The following LRP5 variants were observed in gnomAD, a reference collection of about 807,000 sequenced individuals.
LRP5 encodes the protein LDL receptor related protein 5.
Under a neutral mutation model 154.1 loss-of-function variants are expected in LRP5, and 62 were observed. The ratio of observed to expected loss-of-function variants is 0.40; its 90% confidence interval spans 0.33 to 0.50. The LOEUF is 0.50. LRP5 is among the 20% of genes least tolerant of loss of function. LRP5 has a pLI of 0.55. For synonymous variants in LRP5, 966 were observed against 1,011.5 expected (o/e 0.96, Z 0.85); for missense variants, 1,915 against 2,336.7 (o/e 0.82, Z 3.72).
In LRP5 at chr11:68,423,403, GGGGGTCTCCGCCAGTGCCA is replaced by G. The variant is rs1178918146; in HGVS notation, c.3028-67_3028-49del. 254 of 1,281,150 alleles carry G rather than the reference GGGGGTCTCCGCCAGTGCCA, an allele frequency of 2.0e-4. No homozygotes were observed. The highest frequency in any genetic ancestry group is 1.4e-3 in the African/African-American group (95 of 68,546). 79.4% of individuals were successfully genotyped at this position (1,281,150 alleles called of 1,614,324 possible). A position where few individuals can be genotyped will look rare whatever the true frequency, so the allele number is the denominator to read the frequency against. ...TGCCCGGGGGTCTCCACCAGTGCCC[GGGGGTCTCCGCCAGTGCCA>G]GGGGTCTCCGCCAGTGCCCAGGGGT... On this transcript the variant is annotated intron_variant, in intron 13 of 22. Transcript: ENST00000294304. This position sits in a 1 kb window ranked among gnomAD's most constrained non-coding sequence, Gnocchi z 4.7.
At chr11:68,394,330 A>C (rs1404337055) in intron 7 of LRP5, among the ~76,000 whole-genome samples, 1 of 152,194 alleles carries the variant, frequency 6.6e-6, no homozygotes, top group African/African-American at 2.4e-5. Context: ...TGGCAAAGTC[A>C]GACAAAGCAA....
At position 68,410,327 on chromosome 11, in the gene LRP5, C is replaced by T. The variant is rs147503988; in HGVS notation, c.2318+187C>T. Among the ~76,000 whole-genome samples, 66 of 152,244 alleles carry T rather than the reference C, an allele frequency of 4.3e-4. No homozygotes were observed. The South Asian group carries it at 5.4e-3, about 12-fold the overall frequency. On this transcript the variant is annotated intron_variant, in intron 10 of 22. Transcript: ENST00000294304. ...GAGGTCATGGAGTTCCTTCGTGGAG[C>T]GGGTGCTGAGGCTGTATCAGGCACA...
At chr11:68,336,834 C>G (rs648438) in intron 1 of LRP5, among the ~76,000 whole-genome samples, 12 of 152,276 alleles carry the variant, frequency 7.9e-5, no homozygotes, top group Admixed American at 7.8e-4. Flanking sequence ...CATTTGTAAG[C>G]GTGAAGTTCA....
At chr11:68,399,006 G>A (rs898844474) in intron 7 of LRP5, among the ~76,000 whole-genome samples, 1 of 152,028 alleles carries the variant, frequency 6.6e-6, no homozygotes, top group African/African-American at 2.4e-5. Flanking sequence ...CTCGAGCCAC[G>A]GAGCCCAGCC....
At chr11:68,374,872 G>A (rs1242707769) in intron 5 of LRP5, among the ~76,000 whole-genome samples, 2 of 152,228 alleles carry the variant, frequency 1.3e-5, no homozygotes, top group African/African-American at 2.4e-5. Flanking sequence ...CGTGGAGCGG[G>A]GGCACAGGGG....
rs763043311 is a variant in LRP5, at chr11:68,386,493, G to A, written c.1193G>A (p.Arg398His). 8 of 1,614,074 alleles carry A rather than the reference G, an allele frequency of 5.0e-6. No individual in the cohort carries two copies. The highest frequency in any genetic ancestry group is 2.2e-5 in the East Asian group (1 of 44,878). Residue 398 changes from arginine (R) to histidine (H), a missense_variant, in exon 6 of 23, where the codon CGC becomes CAC. By Grantham distance (29) the Arg-to-His change is conservative (BLOSUM62 0). Coordinates refer to ENST00000294304, the MANE Select transcript of LRP5 (RefSeq NM_002335.4). The surrounding 1 kb of genome is among the most constrained non-coding windows in gnomAD (Gnocchi z 7.9). ...ACAGATGACGAGGTGCGGGCCATCC[G>A]CAGGGCGTACCTGGACGGGTCTGGG... ...YWTDDEVRAI[R>H]RAYLDGSGAQ... is the part of the protein sequence containing the mutation.
chr11:68,413,682 C>G lies in LRP5; in HGVS notation c.2504-7C>G. 1.2e-6 allele frequency: 2 copies of G among 1,613,442 alleles called. No homozygotes were observed. The highest frequency in any genetic ancestry group is 1.7e-6 in the Non-Finnish European group (2 of 1,179,840). On this transcript the variant is annotated splice_polypyrimidine_tract_variant and splice_region_variant and intron_variant, in intron 11 of 22. Transcript: ENST00000294304. This position sits in a 1 kb window ranked among gnomAD's most constrained non-coding sequence, Gnocchi z 5.1. ...TGCTGACACCGTGCCCGTGTGTGTT[C>G]ATGCAGGTCAGGAGCGGGTCGTGAT...
At chr11:68,381,507 C>G (rs2098640231) in intron 5 of LRP5, among the ~76,000 whole-genome samples, 1 of 152,148 alleles carries the variant, frequency 6.6e-6, no homozygotes, top group Non-Finnish European at 1.5e-5. Flanking sequence ...CCCCAAGCCC[C>G]TGGCCTGTGC....
At chr11:68,401,783 C>T (rs1036991336) in intron 7 of LRP5, among the ~76,000 whole-genome samples, 1 of 152,120 alleles carries the variant, frequency 6.6e-6, no homozygotes, top group East Asian at 1.9e-4. Flanking sequence ...TCGCTAGCTG[C>T]GTTCCAGCGA....
At chr11:68,341,478 G>A (rs1238738087) in intron 1 of LRP5, among the ~76,000 whole-genome samples, 1 of 152,088 alleles carries the variant, frequency 6.6e-6, no homozygotes, top group African/African-American at 2.4e-5. Context: ...CAGAGGTCAG[G>A]CTAGAGGTCA....
chr11:68,327,748 G>A (rs1018809554), intron 1 of LRP5, among the ~76,000 whole-genome samples: 2 of 152,060 alleles, frequency 1.3e-5, no homozygotes, highest in East Asian at 3.9e-4. Context: ...AGCTAGGCCC[G>A]GCACCTTAGG....
rs774574205 is a variant in LRP5 at position 68,406,533 on chromosome 11, C to T, written c.1811C>T (p.Pro604Leu). 5.0e-6 allele frequency: 8 copies of T among 1,614,086 alleles called. No homozygotes were observed. The highest frequency in any genetic ancestry group is 4.5e-5 in the East Asian group (2 of 44,888). Residue 604 changes from proline (P) to leucine (L), a missense_variant, in exon 9 of 23, where the codon CCG (proline) becomes CTG (leucine). Coordinates refer to ENST00000294304, the MANE Select transcript of LRP5 (RefSeq NM_002335.4). ...CTGTGTTCGCTTCCAGGAACCAACC[C>T]GTGTGCGGACAGGAACGGGGGGTGC... ...VNVAKVVGTN[P>L]CADRNGGCSH...
Position 68,423,629 on chromosome 11 carries a change from A to C in LRP5, c.3168A>C (p.Glu1056Asp). 4 of 1,614,158 alleles carry C rather than the reference A, an allele frequency of 2.5e-6. No homozygotes were observed. The highest frequency in any genetic ancestry group is 3.4e-6 in the Non-Finnish European group (4 of 1,180,004). Residue 1056 changes from glutamate to aspartate, a missense_variant, in exon 14 of 23, where the codon GAA becomes GAC. This residue lies in a region of LRP5 where 1,094 missense variants were observed against 1,210.1 expected (regional missense o/e 0.90). Coordinates refer to ENST00000294304, the MANE Select transcript of LRP5 (RefSeq NM_002335.4). This position sits in a 1 kb window ranked among gnomAD's most constrained non-coding sequence, Gnocchi z 4.7. ...TCAACGTCCACAGGCTGAGCGGGGA[A>C]GCCATGGGGGTGGTGCTGCGTGGGG... ...NTINVHRLSG[E>D]AMGVVLRGDR...
At chr11:68,340,507 C>T (rs997323053) in intron 1 of LRP5, among the ~76,000 whole-genome samples, 4 of 152,150 alleles carry the variant, frequency 2.6e-5, no homozygotes, top group Non-Finnish European at 5.9e-5. Context: ...TATGAAGCAT[C>T]CTGTTTAAGC....
In LRP5 at chr11:68,386,211, C is replaced by T. The variant is rs2098642894; in HGVS notation, c.1016-105C>T. ...CATCACCAGCCTTTGCAAGGAGAGC[C>T]CTGGGGGCCTGGCTGAGTATTTCCC... is the stretch of plus-strand genomic sequence containing the variant. On this transcript the variant is annotated intron_variant, in intron 5 of 22. Coordinates refer to ENST00000294304, the MANE Select transcript of LRP5 (RefSeq NM_002335.4). The surrounding 1 kb of genome is among the most constrained non-coding windows in gnomAD (Gnocchi z 7.9). 2 of 1,420,168 alleles carry T rather than the reference C, an allele frequency of 1.4e-6. No homozygotes were observed. The highest frequency in any genetic ancestry group is 1.2e-5 in the South Asian group (1 of 86,080). 88.0% of individuals were successfully genotyped at this position (1,420,168 alleles called of 1,614,324 possible).
intron 2 of LRP5, among the ~76,000 whole-genome samples, chr11:68,354,738 G>A (rs1029442751): frequency 1.8e-4 from 28 of 152,226 alleles, no homozygotes; most frequent in African/African-American, 5.8e-4. Context: ...CAGAGCAGCC[G>A]CTCAGCGCCT....
chr11:68,388,414 C>G (rs1362329371), intron 6 of LRP5, among the ~76,000 whole-genome samples: 2 of 152,032 alleles, frequency 1.3e-5, no homozygotes, highest in African/African-American at 2.4e-5. Flanking sequence ...GGGACATGGG[C>G]TTGGCAGTCT....
intron 1 of LRP5, among the ~76,000 whole-genome samples, chr11:68,321,058 G>GTTTT (rs36049256): frequency 2.1e-4 from 25 of 119,796 alleles, no homozygotes; most frequent in African/African-American, 2.8e-4. Flanking sequence ...TTCTGTCTGG[G>GTTTT]TTTTTTTTTT....
intron 9 of LRP5, 49 bp from the exon 10 acceptor site, chr11:68,409,865 A>G: frequency 7.2e-7 from 1 of 1,380,176 alleles, no homozygotes. Context: ...AAAAAAAAAA[A>G]GATGCTGGTT....
Sources: allele counts gnomAD v4.1 joint callset (sites outside exome capture counted in the v4.1 genomes callset), GRCh38; gene constraint gnomAD v4.1.1; regional missense constraint gnomAD v4.1.1; non-coding constraint Gnocchi (gnomAD v3.1); transcripts MANE v1.5; gene names NCBI Gene and HGNC (gene_info 2026-07-23, HGNC 2026-07-21).